DYNC1I2: variants seen among roughly 807,000 people sequenced by gnomAD.
DYNC1I2 encodes cytoplasmic dynein 1 intermediate chain 2.
DYNC1I2 carries 53 observed loss-of-function variants against 88.6 expected under a neutral mutation model. The observed-to-expected ratio is 0.60, with a 90% CI of 0.48 to 0.75. DYNC1I2 has a LOEUF of 0.75. DYNC1I2 is among the 30% of genes least tolerant of loss of function. The pLI is 0.00. For missense variants in DYNC1I2, 458 were observed against 766.6 expected, an observed-to-expected ratio of 0.60 and a Z score of 4.75; for synonymous variants, 198 against 254.6, an observed-to-expected ratio of 0.78 and a Z score of 2.12.
chr2:171,693,864 T>TA (rs1219733562), intron 3 of DYNC1I2, among the ~76,000 whole-genome samples: 2 of 152,240 alleles, frequency 1.3e-5, no homozygotes, highest in Non-Finnish European at 2.9e-5. Flanking sequence ...ATTTTAAAAG[T>TA]AAATGAATCA....
rs55862813 is a variant in DYNC1I2, at chr2:171,710,122, T to TACACACACACAC, written c.336-2613_336-2602dup. On this transcript the variant is annotated intron_variant, in intron 5 of 17. Transcript: ENST00000397119. ...GAGTATATTCATTTTTATGTATATA[T>TACACACACACAC]ACACACACACACACACACACACACA... Among the ~76,000 whole-genome samples, 44 of 144,438 alleles carry TACACACACACAC rather than the reference T, an allele frequency of 3.0e-4. No individual in the cohort carries two copies. In the South Asian group the frequency reaches 3.2e-3, roughly 11 times the overall value. The allele number at this position is 144,438 out of a possible 152,430, so 94.8% of individuals were successfully genotyped here.
intron 3 of DYNC1I2, chr2:171,693,100 A>G (rs1219877916): frequency 3.8e-6 from 2 of 525,528 alleles, no homozygotes; most frequent in Non-Finnish European, 6.9e-6. Context: ...AGTAATTATT[A>G]ACATATACTG....
chr2:171,693,760 T>C (rs989039704), intron 3 of DYNC1I2, among the ~76,000 whole-genome samples: 4 of 152,370 alleles, frequency 2.6e-5, no homozygotes, highest in Non-Finnish European at 4.4e-5. Flanking sequence ...TTCATTGTTA[T>C]TTCTTTCAGC....
At position 171,726,913 on chromosome 2, in the gene DYNC1I2, C is replaced by A; in HGVS notation, c.993C>A (p.Cys331Ter). The A allele has an allele frequency of 6.2e-7, 1 of 1,606,074 alleles. No individual in the cohort carries two copies. Among genetic ancestry groups the A allele is most frequent in the Non-Finnish European group, 8.5e-7 (1 of 1,176,336 alleles). The change falls in exon 11 of 18, where the codon TGC (cysteine) becomes TGA (stop). Residue 331 changes from cysteine to a stop codon, truncating the protein, a stop_gained. Coordinates refer to ENST00000397119, the MANE Select transcript of DYNC1I2 (RefSeq NM_001378.3). LOFTEE classifies it high-confidence loss of function. ...CTACCCCAGAGTATGTGTTTCACTG[C>A]CAGGTATGGTGGTCTTTTAACAGTC... The part of the protein sequence containing the change: ...KKTTPEYVFH[C>*]QSAVMSATFA...
At chr2:171,703,161 C>T (rs565800638) in intron 3 of DYNC1I2, among the ~76,000 whole-genome samples, 1 of 152,320 alleles carries the variant, frequency 6.6e-6, no homozygotes, top group South Asian at 2.1e-4. Flanking sequence ...TCCATTATTA[C>T]TAGGTCATGT....
At chr2:171,700,385 C>CT (rs1463016783) in intron 3 of DYNC1I2, among the ~76,000 whole-genome samples, 1 of 152,184 alleles carries the variant, frequency 6.6e-6, no homozygotes. Context: ...AAGAGAAACA[C>CT]TAAGTCCAGC....
intron 5 of DYNC1I2, among the ~76,000 whole-genome samples, chr2:171,709,872 C>A (rs151058663): frequency 6.6e-6 from 1 of 152,066 alleles, no homozygotes; most frequent in African/African-American, 2.4e-5. Context: ...CATGCACAAC[C>A]GCGCCCAGCT....
intron 3 of DYNC1I2, among the ~76,000 whole-genome samples, chr2:171,698,685 T>C (rs1020321100): frequency 1.3e-5 from 2 of 151,384 alleles, no homozygotes; most frequent in African/African-American, 2.4e-5. Context: ...CTGGCTAACA[T>C]GGTGAAACCC....
At chr2:171,733,928 G>C (rs1333991319) in intron 15 of DYNC1I2, among the ~76,000 whole-genome samples, 1 of 151,748 alleles carries the variant, frequency 6.6e-6, no homozygotes, top group East Asian at 1.9e-4. Context: ...TTGTAGTTTG[G>C]GGTTTTACAT....
At chr2:171,689,882 C>CTTTTTTTTTT (rs10716223) in intron 1 of DYNC1I2, among the ~76,000 whole-genome samples, 6 of 54,154 alleles carry the variant, frequency 1.1e-4, no homozygotes, top group Admixed American at 2.8e-4. Flanking sequence ...TTTTTCTTGC[C>CTTTTTTTTTT]TTTTTTTTTT....
At chr2:171,690,630 C>T (rs2105448086) in intron 2 of DYNC1I2, among the ~76,000 whole-genome samples, 1 of 149,712 alleles carries the variant, frequency 6.7e-6, no homozygotes, top group South Asian at 2.1e-4. Flanking sequence ...AAGTAAGGCG[C>T]ATCTGTATTT....
At chr2:171,703,391 A>C (rs908613626) in intron 3 of DYNC1I2, among the ~76,000 whole-genome samples, 8 of 148,984 alleles carry the variant, frequency 5.4e-5, no homozygotes, top group Admixed American at 2.7e-4. Context: ...ATGCGCCACC[A>C]TGCCCAGCTG....
rs548837110 is a variant in DYNC1I2, at chr2:171,748,139, G to A, written c.*250G>A. On this transcript the variant is annotated 3_prime_UTR_variant, in exon 18 of 18. Transcript: ENST00000397119. ...AGCTTTTTTGAATTCTAATACATAG[G>A]TGTATATTTGGTATTAGTTATTTTG... 2.5e-5 allele frequency: 10 copies of A among 392,828 alleles called. No homozygotes were observed. Among genetic ancestry groups the A allele is most frequent in the Non-Finnish European group, 4.1e-5 (9 of 220,238 alleles). The allele number at this position is 392,828 out of a possible 1,614,324, so 24.3% of individuals were successfully genotyped here.
intron 3 of DYNC1I2, among the ~76,000 whole-genome samples, chr2:171,704,880 A>G (rs1686556036): frequency 6.6e-6 from 1 of 152,140 alleles, no homozygotes. Context: ...TTAAAAATTA[A>G]TATTCCTCCT....
At chr2:171,716,517 G>A (rs1403990494) in intron 7 of DYNC1I2, among the ~76,000 whole-genome samples, 1 of 152,116 alleles carries the variant, frequency 6.6e-6, no homozygotes, top group Non-Finnish European at 1.5e-5. Context: ...AGAAAGCCAG[G>A]AAATACAGGT....
At chr2:171,712,045 A>G (rs1359412200) in intron 5 of DYNC1I2, among the ~76,000 whole-genome samples, 2 of 152,250 alleles carry the variant, frequency 1.3e-5, no homozygotes, top group Non-Finnish European at 1.5e-5. Flanking sequence ...AGGCGATGCT[A>G]AAACTTATAA....
chr2:171,694,126 CT>C (rs1450821161), intron 3 of DYNC1I2, among the ~76,000 whole-genome samples: 2 of 151,856 alleles, frequency 1.3e-5, no homozygotes, highest in Non-Finnish European at 2.9e-5. Context: ...CAACCTCCAC[CT>C]CCTGGGTTCA....
chr2:171,744,289 T>C lies in DYNC1I2; in HGVS notation c.1677+100T>C, dbSNP rs1689641291. 3.2e-6 allele frequency: 4 copies of C among 1,264,216 alleles called. No homozygotes were observed. The East Asian group carries it at 7.7e-5, about 24-fold the overall frequency. The allele number at this position is 1,264,216 out of a possible 1,614,324, so 78.3% of individuals were successfully genotyped here. ...TTTTTTTCCAAAGAATGTAAAAGGG[T>C]TCTGTGATTGTAGATTCATCACAAA... On this transcript the variant is annotated intron_variant, in intron 16 of 17. Coordinates refer to ENST00000397119, the MANE Select transcript of DYNC1I2 (RefSeq NM_001378.3).
intron 3 of DYNC1I2, among the ~76,000 whole-genome samples, chr2:171,694,774 G>A (rs772957191): frequency 2.0e-4 from 30 of 152,168 alleles, no homozygotes; most frequent in South Asian, 2.1e-4. Flanking sequence ...GAAGGCAAAG[G>A]GGCGTCAGCA....
Sources: gnomAD v4.1 joint callset for allele counts (sites outside exome capture counted in the v4.1 genomes callset) on GRCh38, gnomAD v4.1.1 for gene constraint, MANE v1.5 for transcripts, NCBI Gene and HGNC (gene_info 2026-07-23, HGNC 2026-07-21) for gene names.